Variants in CACNA2D3 observed in about 807,000 individuals in gnomAD.
CACNA2D3 encodes the protein calcium voltage-gated channel auxiliary subunit alpha2delta 3.
A neutral mutation model predicts 160.6 loss-of-function variants in CACNA2D3; 60 were observed. The ratio of observed to expected loss-of-function variants is 0.37; its 90% CI spans 0.30 to 0.46. The LOEUF (loss-of-function observed/expected upper bound fraction) is 0.46, where lower values mean the gene tolerates loss of function less well. CACNA2D3 is among the 20% of genes least tolerant of loss of function. CACNA2D3 has a pLI of 1.00. For missense variants in CACNA2D3, 1,205 were observed against 1,365.0 expected (o/e 0.88, Z 1.85); for synonymous variants, 558 against 492.9 (o/e 1.13, Z -1.75).
intron 35 of CACNA2D3, among the ~76,000 whole-genome samples, chr3:55,030,259 G>C (rs139398391): frequency 1.8e-4 from 28 of 152,208 alleles, no homozygotes; most frequent in African/African-American, 6.0e-4. Context: ...CAGAAACATG[G>C]TAGAAGTAAC....
chr3:54,464,349 T>C (rs1050130556), intron 4 of CACNA2D3, among the ~76,000 whole-genome samples: 75 of 152,238 alleles, frequency 4.9e-4, no homozygotes, highest in Non-Finnish European at 8.1e-4. Flanking sequence ...CTGCTGTCTT[T>C]TTGTTTGTCT....
intron 31 of CACNA2D3, among the ~76,000 whole-genome samples, chr3:55,000,827 A>AT (rs568265360): frequency 1.3e-5 from 2 of 152,096 alleles, no homozygotes; most frequent in Non-Finnish European, 2.9e-5. Context: ...CTTGGGCAGC[A>AT]TTTTTTGTGA....
At chr3:54,459,697 G>A (rs1330850527) in intron 4 of CACNA2D3, among the ~76,000 whole-genome samples, 12 of 151,532 alleles carry the variant, frequency 7.9e-5, no homozygotes, top group East Asian at 7.8e-4. Context: ...AGTAGGTTGC[G>A]AAAATTTTCT....
chr3:54,974,153 G>A (rs1057156163), intron 29 of CACNA2D3, among the ~76,000 whole-genome samples: 6 of 152,134 alleles, frequency 3.9e-5, no homozygotes, highest in African/African-American at 7.2e-5. Flanking sequence ...AACAACTTCC[G>A]TTTCTGAAAA....
At chr3:54,543,574 C>T (rs1702016622) in intron 5 of CACNA2D3, among the ~76,000 whole-genome samples, 1 of 152,138 alleles carries the variant, frequency 6.6e-6, no homozygotes, top group Non-Finnish European at 1.5e-5. Flanking sequence ...ATTTATTATT[C>T]CACTCTCCTG....
chr3:54,536,461 G>T (rs1364356124), intron 5 of CACNA2D3, among the ~76,000 whole-genome samples: 1 of 152,160 alleles, frequency 6.6e-6, no homozygotes, highest in Non-Finnish European at 1.5e-5. Flanking sequence ...GGACGATGGG[G>T]ACCCACCCCA....
At chr3:54,200,395 A>T (rs931618567) in intron 2 of CACNA2D3, among the ~76,000 whole-genome samples, 1 of 152,240 alleles carries the variant, frequency 6.6e-6, no homozygotes, top group Admixed American at 6.5e-5. Flanking sequence ...AATTTCTCAC[A>T]AAATGCTCTA....
At chr3:55,038,386 A>G (rs905089216) in intron 35 of CACNA2D3, among the ~76,000 whole-genome samples, 5 of 152,158 alleles carry the variant, frequency 3.3e-5, no homozygotes, top group African/African-American at 1.2e-4. Context: ...AGTTAGGGCC[A>G]TGGAGCCAAA....
rs868496002 is a variant in CACNA2D3 at position 54,371,690 on chromosome 3, C to T, written c.322-15025C>T. ...CATTTAACTTTGTGATTTATTAGCC[C>T]AAGTAGAAGCTGAGCCAAAGGGCTC... is the stretch of plus-strand genomic sequence containing the variant. On this transcript the variant is annotated intron_variant, in intron 3 of 37. Coordinates refer to ENST00000474759, the MANE Select transcript of CACNA2D3 (RefSeq NM_018398.3). 6.8e-4 allele frequency among the ~76,000 whole-genome samples: 103 copies of T among 152,170 alleles called. 1 individual carries two copies. Among genetic ancestry groups the T allele is most frequent in the African/African-American group, 2.4e-3 (98 of 41,516 alleles).
intron 2 of CACNA2D3, among the ~76,000 whole-genome samples, chr3:54,275,963 A>C (rs573434305): frequency 6.6e-6 from 1 of 152,310 alleles, no homozygotes; most frequent in African/African-American, 2.4e-5. Context: ...ATAAAGTTGC[A>C]GGTTCTTTTA....
chr3:54,449,477 A>G (rs1700271864), intron 4 of CACNA2D3, among the ~76,000 whole-genome samples: 2 of 152,270 alleles, frequency 1.3e-5, no homozygotes, highest in East Asian at 3.9e-4. Flanking sequence ...ATATAACCTC[A>G]TTTGCCAATT....
rs58291013 is a variant in CACNA2D3 at position 54,829,885 on chromosome 3, CTTTTTTTTTTTT to C, written c.1399-7258_1399-7247del. On this transcript the variant is annotated intron_variant, in intron 14 of 37. Transcript: ENST00000474759. ...CATATCTTTTCTTCTTCTTCTTCATCTTTTTTTTTTTTTTTTTTTTTTTTTTTGAGATGGAGT... is the reference window on the plus strand; with the variant it reads ...CATATCTTTTCTTCTTCTTCTTCATCTTTTTTTTTTTTTTTGAGATGGAGT... 1.9e-3 allele frequency among the ~76,000 whole-genome samples: 120 copies of C among 64,354 alleles called. 1 individual carries two copies. The highest frequency in any genetic ancestry group is 6.9e-3 in the African/African-American group (109 of 15,844). 42.2% of individuals were successfully genotyped at this position (64,354 alleles called of 152,430 possible). A position where few individuals can be genotyped will look rare whatever the true frequency, so the allele number is the denominator to read the frequency against.
chr3:54,452,600 C>T (rs1006900710), intron 4 of CACNA2D3, among the ~76,000 whole-genome samples: 3 of 152,268 alleles, frequency 2.0e-5, no homozygotes, highest in African/African-American at 7.2e-5. Context: ...TTACCCAATC[C>T]AAAGCCACTG....
intron 17 of CACNA2D3, among the ~76,000 whole-genome samples, chr3:54,866,536 G>T (rs1216989954): frequency 6.6e-6 from 1 of 152,166 alleles, no homozygotes; most frequent in Non-Finnish European, 1.5e-5. Context: ...CTTCCTTCCT[G>T]TTGGCAGCAT....
chr3:54,312,573 G>C (rs72988009), intron 2 of CACNA2D3, among the ~76,000 whole-genome samples: 5,791 of 152,238 alleles, frequency 0.038, 388 homozygotes, highest in African/African-American at 0.13. Context: ...ACAACATTAA[G>C]TGTTCTGACA....
chr3:54,541,613 G>A (rs1007020934), intron 5 of CACNA2D3, among the ~76,000 whole-genome samples: 3 of 152,208 alleles, frequency 2.0e-5, no homozygotes, highest in African/African-American at 7.2e-5. Context: ...ATTTAGACAT[G>A]CTACAAAATA....
At chr3:54,216,488 C>T (rs995307230) in intron 2 of CACNA2D3, among the ~76,000 whole-genome samples, 13 of 152,150 alleles carry the variant, frequency 8.5e-5, no homozygotes, top group African/African-American at 2.2e-4. Flanking sequence ...CCAGCTTGTC[C>T]ACCAGGTGTG....
intron 3 of CACNA2D3, among the ~76,000 whole-genome samples, chr3:54,359,423 A>C (rs745997804): frequency 2.6e-5 from 4 of 152,288 alleles, no homozygotes; most frequent in Admixed American, 1.3e-4. Context: ...AGTCCCTGGC[A>C]TGTTGACAAT....
At position 54,976,056 on chromosome 3, in the gene CACNA2D3, T is replaced by TACACACAC. The variant is rs3841944; in HGVS notation, c.2556+6242_2556+6249dup. On this transcript the variant is annotated intron_variant, in intron 29 of 37. Coordinates refer to ENST00000474759, the MANE Select transcript of CACNA2D3 (RefSeq NM_018398.3). ...ATATAAATATAGGTATAGATATAGA[T>TACACACAC]ACACACACACACACACACACACACA... 1.8e-3 allele frequency among the ~76,000 whole-genome samples: 267 copies of TACACACAC among 145,052 alleles called. 1 individual carries two copies. Among genetic ancestry groups the TACACACAC allele is most frequent in the African/African-American group, 6.3e-3 (245 of 38,858 alleles).
Sources: gnomAD v4.1 joint callset for allele counts (sites outside exome capture counted in the v4.1 genomes callset) on GRCh38, gnomAD v4.1.1 for gene constraint, MANE v1.5 for transcripts, NCBI Gene and HGNC (gene_info 2026-07-23, HGNC 2026-07-21) for gene names.